Variants in PSMB2 observed in about 807,000 individuals in gnomAD.
The protein encoded by PSMB2 is proteasome subunit beta type-2.
PSMB2 carries 13 observed loss-of-function variants against 25.7 expected under a neutral mutation model. The ratio of observed to expected loss-of-function variants is 0.51; its 90% CI spans 0.33 to 0.80. The LOEUF is 0.80. Among genes scored for constraint, PSMB2 ranks in the 30% least tolerant of loss-of-function variants. The pLI is 0.02. For missense variants in PSMB2, 202 were observed against 259.0 expected, an observed-to-expected ratio of 0.78 and a Z score of 1.51; for synonymous variants, 87 against 96.2, an observed-to-expected ratio of 0.90 and a Z score of 0.56.
At chr1:35,628,591 AAAAAAATATAT>A (rs1444592223) in intron 3 of PSMB2, among the ~76,000 whole-genome samples, 7 of 22,118 alleles carry the variant, frequency 3.2e-4, no homozygotes, top group South Asian at 3.0e-3. Flanking sequence ...AAAAAAAAAA[AAAAAAATATAT>A]ATATATATAT....
chr1:35,638,599 C>T (rs917166256), intron 1 of PSMB2, among the ~76,000 whole-genome samples: 3 of 152,282 alleles, frequency 2.0e-5, no homozygotes, highest in South Asian at 2.1e-4. Flanking sequence ...TATTATGATA[C>T]TCAGTGTTAG....
In PSMB2 at chr1:35,601,089, C is replaced by T. The variant is rs1649980657; in HGVS notation, c.*2178G>A. 1.4e-6 allele frequency: 1 copy of T among 719,054 alleles called. No homozygotes were observed. Among genetic ancestry groups the T allele is most frequent in the South Asian group, 6.5e-5 (1 of 15,334 alleles). 44.5% of individuals were successfully genotyped at this position (719,054 alleles called of 1,614,324 possible). A position where few individuals can be genotyped will look rare whatever the true frequency, so the allele number is the denominator to read the frequency against. ...TTTTTTTTTTTTTTTTTTTTTGAGACAGAGTCTTGCTCTGTCAGCCAGGCT... is the reference window on the plus strand; with the variant it reads ...TTTTTTTTTTTTTTTTTTTTTGAGATAGAGTCTTGCTCTGTCAGCCAGGCT... On this transcript the variant is annotated 3_prime_UTR_variant, in exon 6 of 6. Transcript: ENST00000373237.
chr1:35,619,353 A>G (rs1345791625), intron 3 of PSMB2, among the ~76,000 whole-genome samples: 4 of 152,242 alleles, frequency 2.6e-5, no homozygotes, highest in African/African-American at 9.6e-5. Flanking sequence ...TAAATGCCAT[A>G]AGTCATATAA....
intron 3 of PSMB2, among the ~76,000 whole-genome samples, chr1:35,614,228 T>G (rs1650421537): frequency 1.3e-5 from 2 of 152,232 alleles, no homozygotes; most frequent in African/African-American, 4.8e-5. Flanking sequence ...CTTCCAAATG[T>G]GTCTACTCTG....
At chr1:35,620,294 C>T (rs1197657916) in intron 3 of PSMB2, among the ~76,000 whole-genome samples, 1 of 152,144 alleles carries the variant, frequency 6.6e-6, no homozygotes, top group African/African-American at 2.4e-5. Context: ...CTATTAGAAC[C>T]ATGTTCCCCA....
At chr1:35,608,640 C>A (rs944343390) in intron 4 of PSMB2, among the ~76,000 whole-genome samples, 1 of 152,096 alleles carries the variant, frequency 6.6e-6, no homozygotes, top group Non-Finnish European at 1.5e-5. Flanking sequence ...TTTAAAAAAG[C>A]ATCCCTGTAT....
At chr1:35,635,573 G>T (rs941009799) in intron 2 of PSMB2, among the ~76,000 whole-genome samples, 2 of 152,114 alleles carry the variant, frequency 1.3e-5, no homozygotes, top group Admixed American at 1.3e-4. Context: ...GCTCACGCCT[G>T]TAATCCCAGC....
chr1:35,601,799 G>A lies in PSMB2; in HGVS notation c.*1468C>T, dbSNP rs1007140722. 1.0e-6 allele frequency: 1 copy of A among 985,284 alleles called. No individual in the cohort carries two copies. The highest frequency in any genetic ancestry group is 4.7e-5 in the South Asian group (1 of 21,294). The allele number at this position is 985,284 out of a possible 1,614,324, so 61.0% of individuals were successfully genotyped here. On this transcript the variant is annotated 3_prime_UTR_variant, in exon 6 of 6. Coordinates refer to ENST00000373237, the MANE Select transcript of PSMB2 (RefSeq NM_002794.5). ...TCAGTAGCAACTGGAAATGTGAGAT[G>A]AACATTCTGAAACACACATCTGGTC...
intron 3 of PSMB2, among the ~76,000 whole-genome samples, chr1:35,630,264 G>A (rs1486510728): frequency 2.0e-5 from 3 of 152,150 alleles, no homozygotes; most frequent in Non-Finnish European, 2.9e-5. Context: ...CAGGTATTAA[G>A]TAATATGGTT....
intron 2 of PSMB2, among the ~76,000 whole-genome samples, chr1:35,632,265 C>T (rs1279960630): frequency 2.0e-5 from 3 of 152,140 alleles, no homozygotes; most frequent in Admixed American, 6.5e-5. Flanking sequence ...AAAGGTACAA[C>T]CCAGAGGAAT....
At chr1:35,622,048 A>G (rs1030946370) in intron 3 of PSMB2, among the ~76,000 whole-genome samples, 2 of 152,216 alleles carry the variant, frequency 1.3e-5, no homozygotes. Context: ...GAATGAACAT[A>G]GTAAATATAC....
chr1:35,627,520 A>G (rs1253871990), intron 3 of PSMB2, among the ~76,000 whole-genome samples: 1 of 151,950 alleles, frequency 6.6e-6, no homozygotes, highest in Non-Finnish European at 1.5e-5. Context: ...AGTGGTATGC[A>G]CCTACAGTCC....
At chr1:35,620,054 T>G (rs1453878977) in intron 3 of PSMB2, among the ~76,000 whole-genome samples, 2 of 152,222 alleles carry the variant, frequency 1.3e-5, no homozygotes, top group Non-Finnish European at 2.9e-5. Flanking sequence ...AAACCATGCT[T>G]TGCTACACGC....
intron 3 of PSMB2, among the ~76,000 whole-genome samples, chr1:35,610,764 G>A (rs1472438365): frequency 6.6e-6 from 1 of 152,200 alleles, no homozygotes; most frequent in African/African-American, 2.4e-5. Flanking sequence ...AAAGTGCTGG[G>A]ATTACAGGCG....
intron 3 of PSMB2, among the ~76,000 whole-genome samples, chr1:35,627,434 T>C (rs746696032): frequency 2.0e-5 from 3 of 151,890 alleles, no homozygotes; most frequent in Admixed American, 1.3e-4. Flanking sequence ...AGCGGGAGGA[T>C]TGCTTGAGCC....
At chr1:35,628,578 G>GAAAAAAAAAAAAAAAA (rs67766222) in intron 3 of PSMB2, among the ~76,000 whole-genome samples, 4 of 32,956 alleles carry the variant, frequency 1.2e-4, no homozygotes, top group East Asian at 1.8e-3. Context: ...TTTCTTGGAA[G>GAAAAAAAAAAAAAAAA]AAAAAAAAAA....
Position 35,601,335 on chromosome 1 carries a change from A to G in PSMB2, c.*1932T>C, listed in dbSNP as rs896972492. The G allele has an allele frequency of 3.6e-5, 35 of 978,236 alleles. No homozygotes were observed. Among genetic ancestry groups the G allele is most frequent in the Non-Finnish European group, 4.2e-5 (35 of 823,566 alleles). The allele number at this position is 978,236 out of a possible 1,614,324, so 60.6% of individuals were successfully genotyped here. A position where few individuals can be genotyped will look rare whatever the true frequency, so the allele number is the denominator to read the frequency against. ...ATCCGCCCGCCTCGGCGGGCGGCCA[A>G]AGTGCTGGGATTACAGGCATGAGCC... On this transcript the variant is annotated 3_prime_UTR_variant, in exon 6 of 6. Transcript: ENST00000373237.
In PSMB2 at chr1:35,641,332, T is replaced by G; in HGVS notation, c.91+10A>C. 6.2e-7 allele frequency: 1 copy of G among 1,614,106 alleles called. No individual in the cohort carries two copies. Among genetic ancestry groups the G allele is most frequent in the Non-Finnish European group, 8.5e-7 (1 of 1,180,008 alleles). ...CCAGGCCTGGCCGGGCCTCCCCTGC[T>G]TCCTCTCACCGTCCTTCATCTGGAC... On this transcript the variant is annotated intron_variant, in intron 1 of 5. Transcript: ENST00000373237.
intron 1 of PSMB2, 142 bp from the exon 2 acceptor site, chr1:35,636,574 T>C (rs1400892156): frequency 1.1e-4 from 105 of 955,480 alleles, no homozygotes; most frequent in Non-Finnish European, 2.9e-6. Flanking sequence ...CAACAAACTA[T>C]GGATCAAAAT....
Sources: allele counts gnomAD v4.1 joint callset (sites outside exome capture counted in the v4.1 genomes callset), GRCh38; gene constraint gnomAD v4.1.1; transcripts MANE v1.5; gene names NCBI Gene and HGNC (gene_info 2026-07-23, HGNC 2026-07-21).